The following LRRC3B variants were observed in gnomAD, a reference collection of about 807,000 sequenced individuals.
The protein encoded by LRRC3B is leucine rich repeat containing 3B.
Under a neutral mutation model 12.8 loss-of-function variants are expected in LRRC3B, and 2 were observed. That is an observed-to-expected ratio of 0.16 (90% CI 0.06 to 0.49). LRRC3B has a LOEUF of 0.49. Among genes scored for constraint, LRRC3B ranks in the 20% least tolerant of loss-of-function variants. The pLI is 0.96. For missense variants in LRRC3B, 189 were observed against 319.4 expected, an observed-to-expected ratio of 0.59 and a Z score of 3.11; for synonymous variants, 132 against 122.0, an observed-to-expected ratio of 1.08 and a Z score of -0.54.
At chr3:26,642,376 C>T (rs1699047784) in intron 1 of LRRC3B, among the ~76,000 whole-genome samples, 1 of 152,072 alleles carries the variant, frequency 6.6e-6, no homozygotes, top group African/African-American at 2.4e-5. Context: ...TACCAGCAGA[C>T]CTTGTAATAG....
intron 1 of LRRC3B, among the ~76,000 whole-genome samples, chr3:26,679,399 C>T (rs1220667113): frequency 2.6e-5 from 4 of 152,228 alleles, no homozygotes; most frequent in African/African-American, 9.6e-5. Context: ...ACCACTGTGC[C>T]TCTGCCTGCT....
intron 1 of LRRC3B, among the ~76,000 whole-genome samples, chr3:26,664,376 A>T (rs1184894668): frequency 6.6e-6 from 1 of 151,836 alleles, no homozygotes; most frequent in Non-Finnish European, 1.5e-5. Flanking sequence ...CACCCCCACG[A>T]CTACTGCTAC....
chr3:26,670,021 G>A (rs1009483727), intron 1 of LRRC3B, among the ~76,000 whole-genome samples: 5 of 152,072 alleles, frequency 3.3e-5, no homozygotes, highest in African/African-American at 1.2e-4. Context: ...CAACTTATTG[G>A]TATTAATATT....
chr3:26,650,605 AG>A, intron 1 of LRRC3B, among the ~76,000 whole-genome samples: 1 of 152,268 alleles, frequency 6.6e-6, no homozygotes, highest in East Asian at 1.9e-4. Context: ...ACCAAACACT[AG>A]CATTTCCAAA....
chr3:26,702,177 A>G (rs763539898), intron 1 of LRRC3B, among the ~76,000 whole-genome samples: 11 of 152,234 alleles, frequency 7.2e-5, no homozygotes, highest in Non-Finnish European at 1.6e-4. Flanking sequence ...TGATGTATTT[A>G]ATATGAAGTA....
chr3:26,691,372 A>C (rs939642998), intron 1 of LRRC3B, among the ~76,000 whole-genome samples: 3 of 151,954 alleles, frequency 2.0e-5, no homozygotes, highest in African/African-American at 7.3e-5. Flanking sequence ...TCTGGAAAAG[A>C]AAAATGATGA....
intron 1 of LRRC3B, among the ~76,000 whole-genome samples, chr3:26,691,101 G>GTATATATATATATATA: frequency 2.2e-5 from 1 of 45,676 alleles, no homozygotes; most frequent in Middle Eastern, 0.015. Context: ...ATGTGTGTGT[G>GTATATATATATATATA]TGTGTATATA....
intron 1 of LRRC3B, among the ~76,000 whole-genome samples, chr3:26,685,484 T>TA (rs1700057071): frequency 2.1e-5 from 2 of 96,864 alleles, no homozygotes; most frequent in Non-Finnish European, 3.9e-5. Flanking sequence ...GTAGACTCTC[T>TA]CCCTCTCTCT....
intron 1 of LRRC3B, among the ~76,000 whole-genome samples, chr3:26,680,321 G>A (rs1370820844): frequency 6.6e-6 from 1 of 152,162 alleles, no homozygotes; most frequent in African/African-American, 2.4e-5. Flanking sequence ...CTATGTTTAG[G>A]AATCTTGTTA....
chr3:26,630,637 A>G (rs1241010630), intron 1 of LRRC3B, among the ~76,000 whole-genome samples: 1 of 152,148 alleles, frequency 6.6e-6, no homozygotes, highest in Non-Finnish European at 1.5e-5. Context: ...GCTACTATTG[A>G]GGTTTATGGC....
At position 26,688,919 on chromosome 3, in the gene LRRC3B, G is replaced by A. The variant is rs574607819; in HGVS notation, c.-160-20594G>A. On this transcript the variant is annotated intron_variant, in intron 1 of 1. Coordinates refer to ENST00000396641, the Ensembl canonical transcript of LRRC3B. ...TTCCACAAATAATTGTTGGTCACTT[G>A]TAAACAGATGTGCCTAGATTCCCAA... is the stretch of plus-strand genomic sequence containing the variant. 4.9e-4 allele frequency among the ~76,000 whole-genome samples: 74 copies of A among 152,302 alleles called. No homozygotes were observed. The Middle Eastern group carries it at 0.014, about 28-fold the overall frequency.
exon 2 of LRRC3B, chr3:26,710,572 A>G (rs1700728291): frequency 9.4e-7 from 1 of 1,059,478 alleles, no homozygotes. Flanking sequence ...GTTTCTTTTG[A>G]ATTATGCCAC....
intron 1 of LRRC3B, among the ~76,000 whole-genome samples, chr3:26,647,244 G>A (rs1699172178): frequency 6.6e-6 from 1 of 152,100 alleles, no homozygotes; most frequent in Admixed American, 6.6e-5. Flanking sequence ...ATGTTACCCT[G>A]AGGTTTTTCT....
At chr3:26,625,202 T>A (rs1698597978) in intron 1 of LRRC3B, 1 of 152,334 alleles carries the variant, frequency 6.6e-6, no homozygotes. Context: ...TGCTGCCTTG[T>A]ACCAGTTGGG....
rs903261278 is a variant in LRRC3B at position 26,625,568 on chromosome 3, G to A, written c.-161+2331G>A. 1.3e-5 allele frequency: 2 copies of A among 152,188 alleles called. 1 individual carries two copies. Among genetic ancestry groups the A allele is most frequent in the Non-Finnish European group, 2.9e-5 (2 of 68,040 alleles). 9.4% of individuals were successfully genotyped at this position (152,188 alleles called of 1,614,324 possible). A position where few individuals can be genotyped will look rare whatever the true frequency, so the allele number is the denominator to read the frequency against. On this transcript the variant is annotated intron_variant, in intron 1 of 1. Transcript: ENST00000396641. ...CGAGATTTAGCTCTGACCCCCCCAAGGCTCATTTCTTTCTGGGTGCTTATC... is the reference window on the plus strand; with the variant it reads ...CGAGATTTAGCTCTGACCCCCCCAAAGCTCATTTCTTTCTGGGTGCTTATC...
intron 1 of LRRC3B, among the ~76,000 whole-genome samples, chr3:26,643,248 A>G (rs1466726025): frequency 1.6e-5 from 2 of 123,034 alleles, no homozygotes; most frequent in African/African-American, 3.1e-5. Context: ...ATACACACAT[A>G]TGTGTGAGTG....
At chr3:26,698,117 ATAG>A (rs1312575364) in intron 1 of LRRC3B, among the ~76,000 whole-genome samples, 39 of 152,148 alleles carry the variant, frequency 2.6e-4, no homozygotes, top group Admixed American at 2.1e-3. Context: ...GATGATGATG[ATAG>A]TGGTGGTGGT....
At position 26,688,769 on chromosome 3, in the gene LRRC3B, T is replaced by C. The variant is rs538591374; in HGVS notation, c.-160-20744T>C. On this transcript the variant is annotated intron_variant, in intron 1 of 1. Coordinates refer to ENST00000396641, the Ensembl canonical transcript of LRRC3B. ...CCACCTCCAACATTGAGGATTACAA[T>C]TGAAAATGAGATTTGAGTGGGGACA... is the stretch of plus-strand genomic sequence containing the variant. Among the ~76,000 whole-genome samples, 9 of 152,286 alleles carry C rather than the reference T, an allele frequency of 5.9e-5. 1 individual carries two copies. The South Asian group carries it at 1.0e-3, about 18-fold the overall frequency.
chr3:26,654,307 G>A (rs541940448), intron 1 of LRRC3B, among the ~76,000 whole-genome samples: 1 of 152,186 alleles, frequency 6.6e-6, no homozygotes, highest in Non-Finnish European at 1.5e-5. Context: ...GTGAGCATGT[G>A]TAGCAATGCT....
Sources: gnomAD v4.1 joint callset for allele counts (sites outside exome capture counted in the v4.1 genomes callset) on GRCh38, gnomAD v4.1.1 for gene constraint, MANE v1.5 for transcripts, NCBI Gene and HGNC (gene_info 2026-07-23, HGNC 2026-07-21) for gene names.